The following ANK1 variants were observed in gnomAD, a reference collection of about 807,000 sequenced individuals.
ANK1 encodes the protein ankyrin 1.
A neutral mutation model predicts 210.4 loss-of-function variants in ANK1; 51 were observed. That is an observed-to-expected ratio of 0.24 (90% CI 0.19 to 0.31). ANK1 has a LOEUF of 0.31. ANK1 is among the 10% of genes least tolerant of loss of function. The pLI is 1.00. For missense variants in ANK1, 2,051 were observed against 2,504.4 expected (o/e 0.82, Z 3.86); for synonymous variants, 967 against 1,025.9 (o/e 0.94, Z 1.10).
Position 41,856,874 on chromosome 8 carries a change from C to CTTTTTTTTTTT in ANK1, c.126+39470_126+39480dup, listed in dbSNP as rs35341809. On this transcript the variant is annotated intron_variant, in intron 1 of 42. Transcript: ENST00000265709. ...TTTCGCCTTGGTGCTTAACAGCCCT[C>CTTTTTTTTTTT]TTTTTTTTTTTTTTTTTTTTTTTTT... Among the ~76,000 whole-genome samples, 152 of 95,256 alleles carry CTTTTTTTTTTT rather than the reference C, an allele frequency of 1.6e-3. 7 individuals are homozygous for CTTTTTTTTTTT. Among genetic ancestry groups the CTTTTTTTTTTT allele is most frequent in the African/African-American group, 7.1e-3 (147 of 20,818 alleles). 62.5% of individuals were successfully genotyped at this position (95,256 alleles called of 152,430 possible).
At chr8:41,849,541 C>T (rs1810795410) in intron 1 of ANK1, among the ~76,000 whole-genome samples, 1 of 151,484 alleles carries the variant, frequency 6.6e-6, no homozygotes, top group Non-Finnish European at 1.5e-5. Flanking sequence ...AAAATGTAGT[C>T]ATTTATCAGG....
At chr8:41,851,354 C>T (rs34619382) in intron 1 of ANK1, among the ~76,000 whole-genome samples, 3,341 of 152,342 alleles carry the variant, frequency 0.022, 50 homozygotes, top group Middle Eastern at 0.058. Context: ...ACAGAAAAGC[C>T]AGAGCCCAAC....
chr8:41,706,267 C>T (rs1824547674), intron 17 of ANK1, 26 bp from the exon 18 acceptor site: 8 of 1,601,098 alleles, frequency 5.0e-6, no homozygotes, highest in Non-Finnish European at 6.8e-6. Flanking sequence ...CGTTCATCAC[C>T]TTCTATCAAG....
intron 1 of ANK1, among the ~76,000 whole-genome samples, chr8:41,891,554 C>T (rs1250893436): frequency 6.6e-6 from 1 of 152,222 alleles, no homozygotes; most frequent in Admixed American, 6.5e-5. Flanking sequence ...AGTGTAACAT[C>T]TTCTCAGCCC....
chr8:41,723,783 TTA>T, intron 7 of ANK1, 150 bp from the exon 8 acceptor site: 3 of 511,252 alleles, frequency 5.9e-6, no homozygotes, highest in Non-Finnish European at 6.7e-6. Context: ...TTATTTTTTT[TTA>T]TTTTTTATTT....
At chr8:41,686,119 T>C (rs1183191272) in intron 36 of ANK1, 33 bp downstream of exon 36, 1 of 1,614,170 alleles carries the variant, frequency 6.2e-7, no homozygotes, top group East Asian at 2.2e-5. Flanking sequence ...GAGGAGGTCC[T>C]AGGACAGGCT....
At chr8:41,715,609 G>T in intron 14 of ANK1, 43 bp downstream of exon 14, 1 of 1,608,012 alleles carries the variant, frequency 6.2e-7, no homozygotes, top group Non-Finnish European at 8.5e-7. Context: ...GCCTGGCTGA[G>T]TGAGCCTGTT....
intron 1 of ANK1, among the ~76,000 whole-genome samples, chr8:41,784,616 C>A (rs1845988259): frequency 6.6e-6 from 1 of 152,164 alleles, no homozygotes; most frequent in African/African-American, 2.4e-5. Flanking sequence ...TAAATCTATT[C>A]AGTTAAAGCT....
intron 37 of ANK1, among the ~76,000 whole-genome samples, chr8:41,674,004 A>G (rs1157065858): frequency 6.6e-6 from 1 of 151,786 alleles, no homozygotes; most frequent in African/African-American, 2.4e-5. Context: ...TAGAGTTCAA[A>G]CCTAGTTCAA....
intron 1 of ANK1, among the ~76,000 whole-genome samples, chr8:41,892,133 T>C (rs1198133083): frequency 6.6e-6 from 1 of 152,052 alleles, no homozygotes; most frequent in African/African-American, 2.4e-5. Context: ...ATGATTCTAA[T>C]GCTTAACTTT....
intron 1 of ANK1, among the ~76,000 whole-genome samples, chr8:41,803,049 A>G (rs1206958306): frequency 7.5e-4 from 62 of 82,828 alleles, no homozygotes; most frequent in African/African-American, 2.6e-3. Context: ...AAGAGAAAGA[A>G]AGAAAGAGAG....
chr8:41,863,141 G>A (rs972750801), intron 1 of ANK1, among the ~76,000 whole-genome samples: 1 of 152,112 alleles, frequency 6.6e-6, no homozygotes, highest in East Asian at 1.9e-4. Context: ...GGCGGATCAC[G>A]AGGTCAGGAG....
At chr8:41,723,775 A>C in intron 7 of ANK1, 142 bp from the exon 8 acceptor site, 1 of 499,696 alleles carries the variant, frequency 2.0e-6, no homozygotes, top group Non-Finnish European at 3.4e-6. Context: ...AAGATATTTT[A>C]TTTTTTTTTA....
chr8:41,750,739 C>T (rs1442969911), intron 2 of ANK1, among the ~76,000 whole-genome samples: 1 of 152,156 alleles, frequency 6.6e-6, no homozygotes, highest in Non-Finnish European at 1.5e-5. Flanking sequence ...CACGCAGTAA[C>T]AAGCACTATG....
intron 1 of ANK1, among the ~76,000 whole-genome samples, chr8:41,778,325 G>C (rs1157910191): frequency 3.3e-5 from 5 of 152,200 alleles, no homozygotes. Context: ...TACCAAACGA[G>C]AGGTTGCAAC....
intron 1 of ANK1, among the ~76,000 whole-genome samples, chr8:41,851,990 A>G (rs1384668415): frequency 2.0e-5 from 3 of 152,214 alleles, no homozygotes; most frequent in South Asian, 4.1e-4. Context: ...CTTTCTCTGT[A>G]TTATCCTGCA....
At chr8:41,678,929 G>A (rs754242156) in intron 37 of ANK1, among the ~76,000 whole-genome samples, 4 of 152,146 alleles carry the variant, frequency 2.6e-5, no homozygotes, top group Admixed American at 2.0e-4. Context: ...GATTATAGGC[G>A]CCTGCCACCT....
intron 1 of ANK1, among the ~76,000 whole-genome samples, chr8:41,881,266 G>C (rs1421082345): frequency 2.0e-5 from 3 of 152,204 alleles, no homozygotes; most frequent in Non-Finnish European, 4.4e-5. Flanking sequence ...GAGACACACA[G>C]TTATTTCCCC....
chr8:41,831,953 A>G (rs1157353823), intron 1 of ANK1, among the ~76,000 whole-genome samples: 1 of 152,142 alleles, frequency 6.6e-6, no homozygotes, highest in Non-Finnish European at 1.5e-5. Flanking sequence ...CATTTAGGAG[A>G]CAATTGGGAA....
Sources: gnomAD v4.1 joint callset for allele counts (sites outside exome capture counted in the v4.1 genomes callset) on GRCh38, gnomAD v4.1.1 for gene constraint, MANE v1.5 for transcripts, NCBI Gene and HGNC (gene_info 2026-07-23, HGNC 2026-07-21) for gene names.